Variants in SYTL3 observed in about 807,000 individuals in gnomAD.
SYTL3 encodes synaptotagmin like 3.
A neutral mutation model predicts 82.1 loss-of-function variants in SYTL3; 88 were observed. The observed-to-expected ratio is 1.07, with a 90% CI of 0.90 to 1.28. The LOEUF (loss-of-function observed/expected upper bound fraction) is 1.28. Among genes scored for constraint, SYTL3 ranks in the 50% most tolerant of loss-of-function variants. The pLI, the probability that SYTL3 is intolerant of heterozygous loss-of-function variation, is 0.00. For synonymous variants in SYTL3, 311 were observed against 289.4 expected (o/e 1.07, Z -0.76); for missense variants, 831 against 757.6 (o/e 1.10, Z -1.14).
chr6:158,688,393 A>G (rs1451836150), intron 6 of SYTL3, among the ~76,000 whole-genome samples: 1 of 152,206 alleles, frequency 6.6e-6, no homozygotes, highest in Non-Finnish European at 1.5e-5. Flanking sequence ...GGCAGGGTAC[A>G]CAAATTTCCT....
chr6:158,728,994 T>C (rs1221127788), intron 11 of SYTL3, among the ~76,000 whole-genome samples: 1 of 152,048 alleles, frequency 6.6e-6, no homozygotes, highest in Non-Finnish European at 1.5e-5. Context: ...TGGGGCTTTC[T>C]GTGAACCAAG....
At chr6:158,738,959 C>T (rs1383945897) in intron 11 of SYTL3, among the ~76,000 whole-genome samples, 2 of 152,146 alleles carry the variant, frequency 1.3e-5, no homozygotes, top group Non-Finnish European at 2.9e-5. Context: ...CACCTAGCCC[C>T]TCAGCTAAGC....
chr6:158,654,851 G>C (rs1788482338), intron 2 of SYTL3, among the ~76,000 whole-genome samples: 1 of 152,180 alleles, frequency 6.6e-6, no homozygotes, highest in East Asian at 1.9e-4. Context: ...GTAGGAGAAT[G>C]TTTCCTTCCA....
chr6:158,716,141 C>T (rs1482565005), intron 9 of SYTL3, among the ~76,000 whole-genome samples: 2 of 152,178 alleles, frequency 1.3e-5, no homozygotes, highest in East Asian at 1.9e-4. Context: ...ATTATCAGTA[C>T]GTTTCTAGAA....
intron 2 of SYTL3, among the ~76,000 whole-genome samples, chr6:158,656,272 T>C (rs1788666369): frequency 6.6e-6 from 1 of 152,048 alleles, no homozygotes; most frequent in Non-Finnish European, 1.5e-5. Flanking sequence ...TCCTGTCCTT[T>C]CCTGTCACCT....
chr6:158,649,104 G>T (rs1464328099), upstream of SYTL3, among the ~76,000 whole-genome samples: 2 of 152,174 alleles, frequency 1.3e-5, no homozygotes, highest in African/African-American at 2.4e-5. Flanking sequence ...GTATAGCAGG[G>T]CCTCCGCTGG....
In SYTL3 at chr6:158,757,192, C is replaced by A; in HGVS notation, c.1138-19C>A. 6.2e-7 allele frequency: 1 copy of A among 1,602,602 alleles called. No individual in the cohort carries two copies. The highest frequency in any genetic ancestry group is 2.2e-5 in the East Asian group (1 of 44,772). On this transcript the variant is annotated intron_variant, in intron 13 of 17. Transcript: ENST00000611299. ...GGGCCCCGGGAGCCCAGCTGACCAT[C>A]TCTTCCTTGCCTCTGCAGTATCAGG... is the stretch of plus-strand genomic sequence containing the variant.
At chr6:158,699,241 C>G (rs148014068) in intron 6 of SYTL3, among the ~76,000 whole-genome samples, 9 of 152,266 alleles carry the variant, frequency 5.9e-5, no homozygotes, top group African/African-American at 2.2e-4. Flanking sequence ...TGCCCTGTGT[C>G]CTCTTTCCCC....
At chr6:158,659,597 C>T (rs1245629197) in intron 2 of SYTL3, among the ~76,000 whole-genome samples, 3 of 152,148 alleles carry the variant, frequency 2.0e-5, no homozygotes, top group Admixed American at 1.3e-4. Flanking sequence ...TCAGTTGATC[C>T]GCCCGCCTCG....
At position 158,723,176 on chromosome 6, in the gene SYTL3, C is replaced by T. The variant is rs35574406; in HGVS notation, c.721-2327C>T. 8.7e-3 allele frequency among the ~76,000 whole-genome samples: 1,288 copies of T among 148,024 alleles called. 13 individuals carry two copies. Among genetic ancestry groups the T allele is most frequent in the African/African-American group, 0.03 (1,185 of 39,830 alleles). On this transcript the variant is annotated intron_variant, in intron 10 of 17. Coordinates refer to ENST00000611299, the MANE Select transcript of SYTL3 (RefSeq NM_001242394.2). ...GTGTCATGATCTCGACTCACTGCAACCTCTGCCTCCCGGGTTCAAGTGATT... is the reference window on the plus strand; with the variant it reads ...GTGTCATGATCTCGACTCACTGCAATCTCTGCCTCCCGGGTTCAAGTGATT...
chr6:158,763,198 G>A (rs1272318641), intron 16 of SYTL3, 106 bp from the exon 17 acceptor site: 2 of 1,069,650 alleles, frequency 1.9e-6, no homozygotes, highest in Non-Finnish European at 2.8e-6. Context: ...TGGATGTTGT[G>A]GACTTGGCAC....
At chr6:158,655,506 A>C (rs1788573069) in intron 2 of SYTL3, among the ~76,000 whole-genome samples, 2 of 152,248 alleles carry the variant, frequency 1.3e-5, no homozygotes, top group Admixed American at 6.5e-5. Flanking sequence ...TATACAAATT[A>C]GAAAGCAGTT....
chr6:158,685,547 G>A (rs1000302594), intron 6 of SYTL3, among the ~76,000 whole-genome samples: 1 of 151,548 alleles, frequency 6.6e-6, no homozygotes, highest in East Asian at 2.0e-4. Context: ...GACCGGGCCC[G>A]GTGGCTCACA....
Position 158,760,765 on chromosome 6 carries a change from C to G in SYTL3, c.1414+20C>G, listed in dbSNP as rs1562474508. ...AAGAAGGTCAGTGGCCTCCAGCTCC[C>G]TGGACATTGTCTGTGTCATTGTCTG... On this transcript the variant is annotated intron_variant, in intron 15 of 17. Coordinates refer to ENST00000611299, the MANE Select transcript of SYTL3 (RefSeq NM_001242394.2). 3.2e-6 allele frequency: 5 copies of G among 1,581,458 alleles called. No homozygotes were observed. The highest frequency in any genetic ancestry group is 4.3e-6 in the Non-Finnish European group (5 of 1,150,208).
chr6:158,684,064 C>A (rs1279405816), intron 6 of SYTL3, among the ~76,000 whole-genome samples: 1 of 152,142 alleles, frequency 6.6e-6, no homozygotes, highest in African/African-American at 2.4e-5. Flanking sequence ...ATTACAAAAG[C>A]TGGTTTTCAG....
At chr6:158,649,302 C>T (rs1328971685), upstream of SYTL3, among the ~76,000 whole-genome samples, 1 of 152,252 alleles carries the variant, frequency 6.6e-6, no homozygotes, top group Non-Finnish European at 1.5e-5. Context: ...CACTCCATGA[C>T]CATCAAGGAT....
At chr6:158,660,613 A>G (rs1305850957) in intron 2 of SYTL3, among the ~76,000 whole-genome samples, 3 of 152,192 alleles carry the variant, frequency 2.0e-5, no homozygotes, top group Admixed American at 1.3e-4. Context: ...CACCAGATTC[A>G]CTGAGTGGTG....
intron 5 of SYTL3, among the ~76,000 whole-genome samples, chr6:158,673,888 A>G (rs1777691452): frequency 1.3e-5 from 2 of 150,960 alleles, no homozygotes; most frequent in African/African-American, 2.4e-5. Context: ...ATTCAAGTCC[A>G]GCTTGGCCAA....
chr6:158,730,773 C>A (rs994829325), intron 11 of SYTL3, among the ~76,000 whole-genome samples: 1 of 150,948 alleles, frequency 6.6e-6, no homozygotes, highest in African/African-American at 2.4e-5. Context: ...AGAAAAGCTG[C>A]GGGGCGGTAA....
Sources: gnomAD v4.1 joint callset for allele counts (sites outside exome capture counted in the v4.1 genomes callset) on GRCh38, gnomAD v4.1.1 for gene constraint, MANE v1.5 for transcripts, NCBI Gene and HGNC (gene_info 2026-07-23, HGNC 2026-07-21) for gene names.